JAK2: variants seen among roughly 807,000 people sequenced by gnomAD.
The protein encoded by JAK2 is tyrosine-protein kinase JAK2.
A neutral mutation model predicts 139.3 loss-of-function variants in JAK2; 86 were observed. That is an observed-to-expected ratio of 0.62 (90% CI 0.52 to 0.74). JAK2 has a LOEUF of 0.74. Among genes scored for constraint, JAK2 ranks in the 30% least tolerant of loss-of-function variants. The pLI is 0.00. For missense variants in JAK2, 1,421 were observed against 1,360.3 expected (o/e 1.04, Z -0.70); for synonymous variants, 490 against 437.7 (o/e 1.12, Z -1.49).
intron 19 of JAK2, among the ~76,000 whole-genome samples, chr9:5,087,339 T>C (rs1820204904): frequency 6.6e-6 from 1 of 152,190 alleles, no homozygotes; most frequent in South Asian, 2.1e-4. Context: ...TCATGAGAAC[T>C]ATCACGAGAA....
At position 5,127,023 on chromosome 9, in the gene JAK2, T is replaced by C. The variant is rs1380515753; in HGVS notation, c.*232T>C. ...CTTAGCAAGGATTTTGTAAGAAGTT[T>C]CTTAAACATTGTCAGTTAACATCAC... is the stretch of plus-strand genomic sequence containing the variant. On this transcript the variant is annotated 3_prime_UTR_variant, in exon 25 of 25. Coordinates refer to ENST00000381652, the MANE Select transcript of JAK2 (RefSeq NM_004972.4). The C allele has an allele frequency of 6.6e-6, 2 of 304,904 alleles. No individual in the cohort carries two copies. Among genetic ancestry groups the C allele is most frequent in the Non-Finnish European group, 1.2e-5 (2 of 164,720 alleles). The allele number at this position is 304,904 out of a possible 1,614,324, so 18.9% of individuals were successfully genotyped here. A position where few individuals can be genotyped will look rare whatever the true frequency, so the allele number is the denominator to read the frequency against.
chr9:5,070,058 T>C lies in JAK2; in HGVS notation c.1641+6T>C, dbSNP rs182123615. The C allele has an allele frequency of 3.6e-4, 571 of 1,592,926 alleles. 1 individual carries two copies. The highest frequency in any genetic ancestry group is 2.1e-3 in the Admixed American group (125 of 58,252). On this transcript the variant is annotated splice_donor_region_variant and intron_variant, in intron 12 of 24. Transcript: ENST00000381652. ...GAAATGAAGATTTGATATTTGTAAG[T>C]CATTAGATACTCATTACTGTCTTTT...
chr9:4,986,071 G>A (rs985427383), intron 2 of JAK2, 49 bp downstream of exon 2: 1 of 152,614 alleles, frequency 6.6e-6, no homozygotes, highest in Non-Finnish European at 1.5e-5. Context: ...GGTGTCTGGA[G>A]CTGGGAGTGC....
chr9:5,124,924 C>G (rs1823877457), intron 23 of JAK2, among the ~76,000 whole-genome samples: 1 of 151,318 alleles, frequency 6.6e-6, no homozygotes, highest in Non-Finnish European at 1.5e-5. Context: ...AAACCTATTC[C>G]TAAACTAGCT....
chr9:5,114,447 A>G (rs534345509), intron 22 of JAK2: 313 of 477,742 alleles, frequency 6.6e-4, no homozygotes, highest in Non-Finnish European at 2.1e-5. Flanking sequence ...GGTGACCCAC[A>G]CCCACCTGCA....
chr9:5,078,187 C>A (rs1014859516), intron 15 of JAK2, 119 bp from the exon 16 acceptor site: 11 of 785,222 alleles, frequency 1.4e-5, no homozygotes, highest in African/African-American at 8.9e-5. Context: ...TGCATGCCTC[C>A]AAATTATTAT....
intron 2 of JAK2, among the ~76,000 whole-genome samples, chr9:5,016,134 C>A (rs1358058667): frequency 6.6e-6 from 1 of 152,182 alleles, no homozygotes; most frequent in Non-Finnish European, 1.5e-5. Context: ...GAAGGGGAAC[C>A]TCCCGCCAAA....
intron 19 of JAK2, among the ~76,000 whole-genome samples, chr9:5,082,194 T>C (rs1399847506): frequency 6.6e-6 from 1 of 152,216 alleles, no homozygotes. Context: ...AACACTGGTC[T>C]CTGAGTTTCC....
Position 5,055,695 on chromosome 9 carries a change from T to G in JAK2, c.963T>G (p.Pro321=). 1 of 1,583,514 alleles carries G rather than the reference T, an allele frequency of 6.3e-7. No individual in the cohort carries two copies. The highest frequency in any genetic ancestry group is 8.7e-7 in the Non-Finnish European group (1 of 1,153,918). Residue 321 remains proline, a synonymous_variant, in exon 8 of 25, where the codon CCT becomes CCG. Transcript: ENST00000381652. ...EQDLQLYCDF[P]NIIDVSIKQA... is the part of the protein sequence containing the mutation. ...ATTTACAGTTATATTGCGATTTTCCTAATATTATTGATGTCAGTATTAAGC... is the reference window on the plus strand; with the variant it reads ...ATTTACAGTTATATTGCGATTTTCCGAATATTATTGATGTCAGTATTAAGC...
intron 8 of JAK2, among the ~76,000 whole-genome samples, chr9:5,060,116 CATT>C (rs1321337913): frequency 1.3e-5 from 2 of 152,130 alleles, no homozygotes; most frequent in African/African-American, 4.8e-5. Flanking sequence ...TGTGCAACAG[CATT>C]ATGTCTTAAA....
At chr9:5,002,188 C>T (rs10974907) in intron 2 of JAK2, among the ~76,000 whole-genome samples, 1 of 150,798 alleles carries the variant, frequency 6.6e-6, no homozygotes, top group Non-Finnish European at 1.5e-5. Context: ...GTTCTTTATT[C>T]TTTCTTCACT....
intron 19 of JAK2, among the ~76,000 whole-genome samples, chr9:5,084,048 TG>T (rs932669284): frequency 2.2e-4 from 34 of 152,282 alleles, no homozygotes; most frequent in African/African-American, 8.2e-4. Flanking sequence ...TTTGAGTTAA[TG>T]TTCTTTTGCT....
At chr9:5,101,232 C>T (rs1213676190) in intron 22 of JAK2, among the ~76,000 whole-genome samples, 1 of 152,224 alleles carries the variant, frequency 6.6e-6, no homozygotes, top group Non-Finnish European at 1.5e-5. Flanking sequence ...AGATTATATC[C>T]CATGTCTGGC....
At chr9:5,101,603 AAGTGG>A (rs1821493989) in intron 22 of JAK2, among the ~76,000 whole-genome samples, 1 of 152,234 alleles carries the variant, frequency 6.6e-6, no homozygotes, top group African/African-American at 2.4e-5. Flanking sequence ...TCTGTAGCCT[AAGTGG>A]GAGACACCTC....
At chr9:5,104,527 G>A (rs1052065228) in intron 22 of JAK2, among the ~76,000 whole-genome samples, 1 of 152,056 alleles carries the variant, frequency 6.6e-6, no homozygotes, top group South Asian at 2.1e-4. Context: ...TCCAATCAAT[G>A]GAAAAAGAGG....
At position 5,077,593 on chromosome 9, in the gene JAK2, A is replaced by C; in HGVS notation, c.1992+13A>C. 6.9e-7 allele frequency: 1 copy of C among 1,452,946 alleles called. No individual in the cohort carries two copies. Among genetic ancestry groups the C allele is most frequent in the Non-Finnish European group, 9.1e-7 (1 of 1,097,712 alleles). The allele number at this position is 1,452,946 out of a possible 1,614,324, so 90.0% of individuals were successfully genotyped here. A position where few individuals can be genotyped will look rare whatever the true frequency, so the allele number is the denominator to read the frequency against. ...CATGCATTTTCTAGTAAGTAGTACA[A>C]CCTTTTTATCAAAAGATACTATTTT... On this transcript the variant is annotated intron_variant, in intron 15 of 24. Transcript: ENST00000381652.
rs533918939 is a variant in JAK2, at chr9:5,021,945, T to C, written c.-25-18T>C. 6.8e-7 allele frequency: 1 copy of C among 1,470,876 alleles called. No homozygotes were observed. Among genetic ancestry groups the C allele is most frequent in the Non-Finnish European group, 9.5e-7 (1 of 1,053,012 alleles). 91.1% of individuals were successfully genotyped at this position (1,470,876 alleles called of 1,614,324 possible). On this transcript the variant is annotated intron_variant, in intron 2 of 24. Transcript: ENST00000381652. ...ACTGCGCCCAGCCCATTTGTAACTT[T>C]ATTGTTTTCTCTTACAGGCAAATGT...
chr9:5,099,980 T>C (rs1304514920), intron 22 of JAK2: 4 of 152,208 alleles, frequency 2.6e-5, no homozygotes, highest in Non-Finnish European at 5.9e-5. Context: ...CCTATACTAG[T>C]AATCATTGAA....
chr9:5,094,678 G>C (rs1057059972), intron 22 of JAK2: 6 of 152,138 alleles, frequency 3.9e-5, no homozygotes, highest in African/African-American at 7.2e-5. Flanking sequence ...TTAACAGAAA[G>C]AGAATCAGAA....
Sources: allele counts gnomAD v4.1 joint callset (sites outside exome capture counted in the v4.1 genomes callset), GRCh38; gene constraint gnomAD v4.1.1; transcripts MANE v1.5; gene names NCBI Gene and HGNC (gene_info 2026-07-23, HGNC 2026-07-21).